Variants in FBXO27 observed in about 807,000 individuals in gnomAD.
The protein encoded by FBXO27 is F-box only protein 27.
Under a neutral mutation model 28.3 loss-of-function variants are expected in FBXO27, and 28 were observed. That is an observed-to-expected ratio of 0.99 (90% CI 0.73 to 1.36). The LOEUF (loss-of-function observed/expected upper bound fraction) is 1.36. FBXO27 is among the 40% of genes most tolerant of loss of function. The pLI is 0.00. For missense variants in FBXO27, 388 were observed against 394.1 expected (o/e 0.98, Z 0.13); for synonymous variants, 175 against 167.3 (o/e 1.05, Z -0.36).
At chr19:39,008,494 G>A (rs909720781) in intron 2 of FBXO27, among the ~76,000 whole-genome samples, 2 of 151,892 alleles carry the variant, frequency 1.3e-5, no homozygotes, top group African/African-American at 4.8e-5. Flanking sequence ...CCATTTTTAC[G>A]GAGGTAAAAT....
rs1182541239 is a variant in FBXO27, at chr19:39,031,242, G to A, written c.443C>T (p.Ala148Val). ...VEENRTTVPGAPSQTCFVTSF... is the reference protein window; with the variant it reads ...VEENRTTVPGVPSQTCFVTSF... ...AGTCACGAAGCACGTCTGAGAAGGG[G>A]CCCCAGGCACGGTTGTCCTGTTTTC... The change falls in exon 3 of 6, where the codon GCC (alanine) becomes GTC (valine). Residue 148 changes from alanine (A) to valine (V), a missense_variant. Transcript: ENST00000292853. 1 of 1,614,100 alleles carries A rather than the reference G, an allele frequency of 6.2e-7. No homozygotes were observed. Among genetic ancestry groups the A allele is most frequent in the Non-Finnish European group, 8.5e-7 (1 of 1,180,020 alleles).
chr19:39,025,671 G>T, intron 5 of FBXO27, 117 bp from the exon 6 acceptor site: 1 of 1,290,052 alleles, frequency 7.8e-7, no homozygotes, highest in Non-Finnish European at 1.0e-6. Context: ...CTCCAATTGG[G>T]CCACATGTTC....
Position 39,027,416 on chromosome 19 carries a change from T to G in FBXO27, c.573-411A>C, listed in dbSNP as rs186270226. Among the ~76,000 whole-genome samples, 196 of 152,244 alleles carry G rather than the reference T, an allele frequency of 1.3e-3. 1 individual carries two copies. The highest frequency in any genetic ancestry group is 4.5e-3 in the African/African-American group (185 of 41,552). ...AACACTCTGGACACCGAGGCTCAAG[T>G]GAACTCCCTTGGTCAACAAAATTCC... On this transcript the variant is annotated intron_variant, in intron 4 of 5. Coordinates refer to ENST00000292853, the MANE Select transcript of FBXO27 (RefSeq NM_178820.5).
intron 2 of FBXO27, among the ~76,000 whole-genome samples, chr19:39,009,667 A>G (rs1254466657): frequency 1.3e-5 from 2 of 152,064 alleles, no homozygotes; most frequent in Non-Finnish European, 2.9e-5. Flanking sequence ...TTGAGTTGTA[A>G]GAATTCTTTA....
intron 2 of FBXO27, among the ~76,000 whole-genome samples, chr19:39,007,793 C>T (rs1435561292): frequency 6.6e-6 from 1 of 152,122 alleles, no homozygotes; most frequent in Non-Finnish European, 1.5e-5. Flanking sequence ...CGGGCACATG[C>T]CACCACGCCT....
At chr19:39,013,135 G>A (rs2072803855) in intron 2 of FBXO27, among the ~76,000 whole-genome samples, 1 of 152,152 alleles carries the variant, frequency 6.6e-6, no homozygotes, top group African/African-American at 2.4e-5. Context: ...GGTGTGTGTT[G>A]TAGCAGGAGA....
chr19:39,029,320 G>C (rs571364113), intron 4 of FBXO27, among the ~76,000 whole-genome samples: 3 of 151,260 alleles, frequency 2.0e-5, no homozygotes, highest in East Asian at 1.9e-4. Flanking sequence ...CCAGCTACTC[G>C]GGAGGCTGAG....
At chr19:39,014,493 T>C (rs75275560) in exon 2 of FBXO27, 13,340 of 152,038 alleles carry the variant, frequency 0.088, 772 homozygotes, top group Non-Finnish European at 0.12. Context: ...GGCGAGAGGA[T>C]TGCTTGAGCA....
Position 39,031,886 on chromosome 19 carries a change from A to G in FBXO27, c.342T>C (p.Leu114=), listed in dbSNP as rs759135592. 8 of 1,491,192 alleles carry G rather than the reference A, an allele frequency of 5.4e-6. No homozygotes were observed. Among genetic ancestry groups the G allele is most frequent in the Non-Finnish European group, 6.2e-6 (7 of 1,131,756 alleles). 92.4% of individuals were successfully genotyped at this position (1,491,192 alleles called of 1,614,324 possible). The part of the protein sequence containing the change: ...FCARRPIGRN[L]IRNPCGQEGL... ...CACCTTGGCCGCAGGGGTTGCGAAT[A>G]AGGTTGCGTCCGATGGGTCTGCGCG... The change falls in exon 2 of 6, where the codon CTT becomes CTC. Residue 114 remains leucine, a synonymous_variant. Transcript: ENST00000292853.
Position 39,031,206 on chromosome 19 carries a change from C to T in FBXO27, c.476+3G>A, listed in dbSNP as rs765778004. 2 of 1,614,122 alleles carry T rather than the reference C, an allele frequency of 1.2e-6. No homozygotes were observed. Among genetic ancestry groups the T allele is most frequent in the Admixed American group, 3.3e-5 (2 of 60,002 alleles). On this transcript the variant is annotated splice_donor_region_variant and intron_variant, in intron 3 of 5. Transcript: ENST00000292853. ...CGGACCTTTGGATAGCAGGGGCATT[C>T]ACCTGAATGAAGTCACGAAGCACGT...
chr19:39,028,125 C>T (rs2072883031), intron 4 of FBXO27, among the ~76,000 whole-genome samples: 1 of 151,832 alleles, frequency 6.6e-6, no homozygotes, highest in African/African-American at 2.4e-5. Context: ...CCTGTAATCC[C>T]AGCTACGAGG....
intron 4 of FBXO27, among the ~76,000 whole-genome samples, chr19:39,029,924 C>T (rs985933816): frequency 1.3e-5 from 2 of 152,150 alleles, no homozygotes; most frequent in Admixed American, 1.3e-4. Context: ...TCACTGCAAC[C>T]TCCACTTCCC....
intron 2 of FBXO27, among the ~76,000 whole-genome samples, chr19:39,008,592 TCAC>T (rs1020258581): frequency 6.6e-6 from 1 of 152,182 alleles, no homozygotes; most frequent in Non-Finnish European, 1.5e-5. Flanking sequence ...TGTACAACCA[TCAC>T]CACCATCTAG....
At chr19:39,023,319 T>G (rs2072854744), downstream of FBXO27, among the ~76,000 whole-genome samples, 1 of 152,222 alleles carries the variant, frequency 6.6e-6, no homozygotes. Context: ...TATGTTTATC[T>G]TATTCTTTTT....
intron 4 of FBXO27, among the ~76,000 whole-genome samples, chr19:39,029,493 C>T (rs2072891055): frequency 6.6e-6 from 1 of 151,670 alleles, no homozygotes; most frequent in African/African-American, 2.4e-5. Flanking sequence ...TTGCCTGGCT[C>T]CCCAGTAGTC....
chr19:39,012,080 G>A (rs530746391), intron 2 of FBXO27, among the ~76,000 whole-genome samples: 76 of 150,690 alleles, frequency 5.0e-4, no homozygotes, highest in African/African-American at 1.7e-3. Context: ...TGATCCGCCC[G>A]TCTCGGCCTC....
chr19:39,018,465 C>T (rs1163649989), intron 1 of FBXO27, among the ~76,000 whole-genome samples: 3 of 152,180 alleles, frequency 2.0e-5, no homozygotes, highest in South Asian at 4.1e-4. Flanking sequence ...TTCCGGTTCT[C>T]GTTCATTTTT....
intron 5 of FBXO27, among the ~76,000 whole-genome samples, chr19:39,026,294 A>G (rs939374486): frequency 3.9e-5 from 6 of 152,078 alleles, no homozygotes; most frequent in African/African-American, 1.4e-4. Flanking sequence ...GACTAAATGA[A>G]GAAAGAGATG....
At position 39,025,667 on chromosome 19, in the gene FBXO27, T is replaced by C. The variant is rs931913276; in HGVS notation, c.709-113A>G. On this transcript the variant is annotated intron_variant, in intron 5 of 5. Transcript: ENST00000292853. The stretch of plus-strand genomic sequence containing the variant: ...CCAAGGATGGCTATAAAATCTCCAA[T>C]TGGGCCACATGTTCTTCTAGAATCT... 23 of 1,307,804 alleles carry C rather than the reference T, an allele frequency of 1.8e-5. No individual in the cohort carries two copies. In the Admixed American group the frequency reaches 5.2e-4, roughly 30 times the overall value. The allele number at this position is 1,307,804 out of a possible 1,614,324, so 81.0% of individuals were successfully genotyped here.
Sources: allele counts gnomAD v4.1 joint callset (sites outside exome capture counted in the v4.1 genomes callset), GRCh38; gene constraint gnomAD v4.1.1; transcripts MANE v1.5; gene names NCBI Gene and HGNC (gene_info 2026-07-23, HGNC 2026-07-21).